AGBL4: variants seen among roughly 807,000 people sequenced by gnomAD.
The protein encoded by AGBL4 is cytosolic carboxypeptidase 6.
In AGBL4, 58 loss-of-function variants were observed where a neutral mutation model predicts 66.4. The ratio of observed to expected loss-of-function variants is 0.87; its 90% CI spans 0.71 to 1.09. The LOEUF (loss-of-function observed/expected upper bound fraction) is 1.09. Ranked by LOEUF, AGBL4 falls within the 50% of genes least tolerant of loss-of-function variation. The pLI is 0.00. For missense variants in AGBL4, 579 were observed against 631.0 expected (o/e 0.92, Z 0.88); for synonymous variants, 234 against 222.9 (o/e 1.05, Z -0.44).
intron 5 of AGBL4, among the ~76,000 whole-genome samples, chr1:48,978,147 A>C (rs1386171167): frequency 6.6e-6 from 1 of 152,224 alleles, no homozygotes; most frequent in East Asian, 1.9e-4. Flanking sequence ...CGAAGTTCAC[A>C]TATTTTGTTA....
At chr1:49,973,750 A>C (rs559196295) in intron 1 of AGBL4, among the ~76,000 whole-genome samples, 1 of 149,844 alleles carries the variant, frequency 6.7e-6, no homozygotes, top group Non-Finnish European at 1.5e-5. Flanking sequence ...CTATACAATC[A>C]TTTACATTTA....
At chr1:49,830,142 T>C (rs905175674) in intron 2 of AGBL4, among the ~76,000 whole-genome samples, 2 of 152,170 alleles carry the variant, frequency 1.3e-5, no homozygotes, top group African/African-American at 4.8e-5. Context: ...AGTAGTGGGA[T>C]TGCTGGGTCC....
intron 3 of AGBL4, among the ~76,000 whole-genome samples, chr1:49,377,604 T>C (rs1192772618): frequency 3.3e-5 from 5 of 152,046 alleles, no homozygotes; most frequent in Admixed American, 2.0e-4. Flanking sequence ...TAACCTCCTA[T>C]AGTTTCATGG....
chr1:48,524,217 T>C, the AGBL4 span, among the ~76,000 whole-genome samples: 1 of 152,172 alleles, frequency 6.6e-6, no homozygotes, highest in Non-Finnish European at 1.5e-5. Flanking sequence ...AGGAGCACTT[T>C]GGAGAGGTAT....
intron 5 of AGBL4, among the ~76,000 whole-genome samples, chr1:48,981,267 T>C (rs3122294): frequency 0.53 from 80,929 of 152,056 alleles, 21,858 homozygotes; most frequent in Non-Finnish European, 0.58. Flanking sequence ...AACTCTGATT[T>C]CTTCTTATCT....
intron 6 of AGBL4, among the ~76,000 whole-genome samples, chr1:48,754,772 G>C (rs72681060): frequency 0.082 from 12,448 of 152,178 alleles, 705 homozygotes; most frequent in East Asian, 0.17. Flanking sequence ...TTTACAGAGA[G>C]AGATGATATC....
At chr1:49,647,392 C>A (rs1485296056) in intron 3 of AGBL4, among the ~76,000 whole-genome samples, 1 of 152,206 alleles carries the variant, frequency 6.6e-6, no homozygotes, top group Non-Finnish European at 1.5e-5. Context: ...AACAGAGAAG[C>A]AGCCTACAAG....
intron 1 of AGBL4, among the ~76,000 whole-genome samples, chr1:50,002,571 G>A (rs923178249): frequency 1.3e-5 from 2 of 151,196 alleles, no homozygotes; most frequent in South Asian, 2.1e-4. Context: ...GGGTTTCACC[G>A]TGTTAGCCAG....
intron 1 of AGBL4, among the ~76,000 whole-genome samples, chr1:50,005,593 A>G (rs1243146850): frequency 6.6e-6 from 1 of 152,210 alleles, no homozygotes; most frequent in African/African-American, 2.4e-5. Flanking sequence ...CAATGCCCAT[A>G]CACCAACAAA....
At chr1:48,819,691 A>G (rs1275700423) in intron 6 of AGBL4, among the ~76,000 whole-genome samples, 1 of 152,224 alleles carries the variant, frequency 6.6e-6, no homozygotes, top group East Asian at 1.9e-4. Context: ...ACATTGGAGG[A>G]AAAACAAGCT....
chr1:49,786,906 T>G (rs1473148161), intron 2 of AGBL4, among the ~76,000 whole-genome samples: 1 of 152,140 alleles, frequency 6.6e-6, no homozygotes, highest in African/African-American at 2.4e-5. Context: ...GTTGGTAAAT[T>G]TTCCATCACT....
intron 11 of AGBL4, among the ~76,000 whole-genome samples, chr1:48,551,018 G>A (rs1376414881): frequency 6.6e-6 from 1 of 152,062 alleles, no homozygotes; most frequent in African/African-American, 2.4e-5. Context: ...TTGGTCTTCT[G>A]GCTTCCAGTT....
chr1:48,618,106 C>G (rs1557831814), intron 9 of AGBL4, among the ~76,000 whole-genome samples: 1 of 152,172 alleles, frequency 6.6e-6, no homozygotes, highest in East Asian at 1.9e-4. Flanking sequence ...TGGTAGCTCA[C>G]ACCTGTAATC....
intron 8 of AGBL4, among the ~76,000 whole-genome samples, chr1:48,637,876 C>T (rs1451708476): frequency 6.6e-6 from 1 of 152,180 alleles, no homozygotes; most frequent in African/African-American, 2.4e-5. Context: ...TGTCCACTTC[C>T]CAATGACTAG....
intron 4 of AGBL4, among the ~76,000 whole-genome samples, chr1:49,224,971 T>C (rs1649798658): frequency 6.6e-6 from 1 of 152,184 alleles, no homozygotes; most frequent in South Asian, 2.1e-4. Context: ...AATACTTCTC[T>C]GTGTACTTAC....
chr1:49,927,708 G>A (rs1652929087), intron 1 of AGBL4, among the ~76,000 whole-genome samples: 1 of 151,298 alleles, frequency 6.6e-6, no homozygotes, highest in Non-Finnish European at 1.5e-5. Flanking sequence ...AAAGAATGAA[G>A]CACATCTACG....
chr1:49,101,844 CA>C (rs1645208262), intron 4 of AGBL4, among the ~76,000 whole-genome samples: 1 of 152,012 alleles, frequency 6.6e-6, no homozygotes. Flanking sequence ...GGGATATGAA[CA>C]AAAATTAGGA....
In AGBL4 at chr1:48,634,575, C is replaced by T. The variant is rs779103173; in HGVS notation, c.869G>A (p.Arg290His). 8.1e-6 allele frequency: 13 copies of T among 1,604,018 alleles called. No individual in the cohort carries two copies. Among genetic ancestry groups the T allele is most frequent in the Admixed American group, 5.1e-5 (3 of 58,932 alleles). ...CCATGGAGAGGGATCCAGCCAGTGA[C>T]GATTCAGATCAAATCCCATCAGAGA... ...RCSLMGFDLN[R>H]HWLDPSPWVH... Residue 290 changes from arginine to histidine, a missense_variant, in exon 9 of 14, where the codon CGT (arginine) becomes CAT (histidine). Physicochemically the swap from Arg to His is conservative, Grantham distance 29. Coordinates refer to ENST00000371839, the MANE Select transcript of AGBL4 (RefSeq NM_032785.4).
At chr1:49,361,742 A>G (rs1007448062) in intron 3 of AGBL4, among the ~76,000 whole-genome samples, 14 of 152,008 alleles carry the variant, frequency 9.2e-5, no homozygotes, top group African/African-American at 1.7e-4. Context: ...GCCATTTTTC[A>G]CTGTCTCCCT....
Sources: allele counts gnomAD v4.1 joint callset (sites outside exome capture counted in the v4.1 genomes callset), GRCh38; gene constraint gnomAD v4.1.1; transcripts MANE v1.5; gene names NCBI Gene and HGNC (gene_info 2026-07-23, HGNC 2026-07-21).